The following ORC3 variants were observed in gnomAD, a reference collection of about 807,000 sequenced individuals.
The protein encoded by ORC3 is origin recognition complex subunit 3.
Under a neutral mutation model 100.7 loss-of-function variants are expected in ORC3, and 78 were observed. The observed-to-expected ratio is 0.77, with a 90% CI of 0.65 to 0.94. The LOEUF (loss-of-function observed/expected upper bound fraction) is 0.94. Ranked by LOEUF, ORC3 falls within the 40% of genes least tolerant of loss-of-function variation. The pLI is 0.00. For missense variants in ORC3, 789 were observed against 823.9 expected (o/e 0.96, Z 0.52); for synonymous variants, 295 against 289.3 (o/e 1.02, Z -0.20).
rs1454720076 is a variant in ORC3 at position 87,605,828 on chromosome 6, T to TA, written c.323-88dup. The TA allele has an allele frequency of 6.1e-5, 42 of 691,784 alleles. No individual in the cohort carries two copies. The East Asian group carries it at 1.1e-3, about 18-fold the overall frequency. The allele number at this position is 691,784 out of a possible 1,614,324, so 42.9% of individuals were successfully genotyped here. ...TTATTAATCATTTTTTAAATGTTTT[T>TA]ACTTGTTTGCTTGATATGTTAAATA... On this transcript the variant is annotated intron_variant, in intron 4 of 19. Transcript: ENST00000392844.
intron 11 of ORC3, among the ~76,000 whole-genome samples, chr6:87,634,460 TCTG>T (rs910581150): frequency 6.6e-6 from 1 of 152,230 alleles, no homozygotes; most frequent in Admixed American, 6.5e-5. Context: ...ATCTCACTCT[TCTG>T]ATGCTAGCAA....
intron 8 of ORC3, among the ~76,000 whole-genome samples, chr6:87,613,118 G>A (rs1414908886): frequency 6.6e-6 from 1 of 152,182 alleles, no homozygotes; most frequent in Non-Finnish European, 1.5e-5. Flanking sequence ...AGACACACCT[G>A]AGACTGGGCA....
chr6:87,657,646 G>A lies in ORC3; in HGVS notation c.1594-275G>A, dbSNP rs566283664. 3.3e-5 allele frequency among the ~76,000 whole-genome samples: 5 copies of A among 152,236 alleles called. No individual in the cohort carries two copies. The South Asian group carries it at 1.0e-3, about 32-fold the overall frequency. ...AATGACTTAATGGACTGAATAGTGAGCACTCTGCCATGTAATTTAGTAGTA... is the reference window on the plus strand; with the variant it reads ...AATGACTTAATGGACTGAATAGTGAACACTCTGCCATGTAATTTAGTAGTA... On this transcript the variant is annotated intron_variant, in intron 15 of 19. Coordinates refer to ENST00000392844, the MANE Select transcript of ORC3 (RefSeq NM_012381.4).
chr6:87,630,046 G>A (rs2128274049), intron 11 of ORC3, among the ~76,000 whole-genome samples: 1 of 152,174 alleles, frequency 6.6e-6, no homozygotes, highest in South Asian at 2.1e-4. Context: ...TTTACATATT[G>A]AGAAATTTTA....
rs558111535 is a variant in ORC3 at position 87,640,869 on chromosome 6, G to T, written c.1382+4383G>T. Among the ~76,000 whole-genome samples, 264 of 152,284 alleles carry T rather than the reference G, an allele frequency of 1.7e-3. 1 individual carries two copies. Among genetic ancestry groups the T allele is most frequent in the Non-Finnish European group, 2.8e-3 (188 of 68,022 alleles). Reference sequence around the variant, plus strand: ...AATCCCAACGCTTTGGGAGGCCAAGGTGGGGGCAGATCACAAGATCAGGAG... The same window carrying T: ...AATCCCAACGCTTTGGGAGGCCAAGTTGGGGGCAGATCACAAGATCAGGAG... On this transcript the variant is annotated intron_variant, in intron 13 of 19. Transcript: ENST00000392844.
intron 11 of ORC3, among the ~76,000 whole-genome samples, chr6:87,631,882 G>A (rs757732016): frequency 5.3e-5 from 8 of 152,122 alleles, no homozygotes; most frequent in East Asian, 1.9e-4. Flanking sequence ...TTTTAAGGCC[G>A]GGTGCAGTAT....
At chr6:87,675,315 T>G in the ORC3 span, 2,363 of 484,168 alleles carry the variant, frequency 4.9e-3, 6 homozygotes, top group Non-Finnish European at 6.9e-3. Context: ...ATACCAGCTT[T>G]AATCCTTTTC....
chr6:87,591,539 T>C (rs1298313522), intron 1 of ORC3, among the ~76,000 whole-genome samples: 1 of 152,210 alleles, frequency 6.6e-6, no homozygotes, highest in East Asian at 1.9e-4. Flanking sequence ...CTGTAGGTTT[T>C]GAATGGTCTA....
In ORC3 at chr6:87,667,248, T is replaced by C; in HGVS notation, c.*125T>C. On this transcript the variant is annotated 3_prime_UTR_variant, in exon 20 of 20. Transcript: ENST00000392844. ...ATAAATGTGTAACCCCCATTGATGT[T>C]TAACCAGAAAAGTACATTGCTAACC... 3 of 587,202 alleles carry C rather than the reference T, an allele frequency of 5.1e-6. No individual in the cohort carries two copies. The highest frequency in any genetic ancestry group is 8.8e-6 in the Non-Finnish European group (3 of 339,552). The allele number at this position is 587,202 out of a possible 1,614,324, so 36.4% of individuals were successfully genotyped here. A position where few individuals can be genotyped will look rare whatever the true frequency, so the allele number is the denominator to read the frequency against.
intron 7 of ORC3, 108 bp from the exon 8 acceptor site, chr6:87,611,981 G>C: frequency 2.0e-6 from 2 of 988,960 alleles, no homozygotes; most frequent in South Asian, 3.3e-5. Context: ...CCTTAACAGT[G>C]TCTTATAAAG....
At chr6:87,670,949 G>T (rs1196030413), downstream of ORC3, among the ~76,000 whole-genome samples, 2 of 152,210 alleles carry the variant, frequency 1.3e-5, no homozygotes, top group Non-Finnish European at 2.9e-5. Context: ...TTTTGTGGGA[G>T]AAGAGCATGC....
intron 13 of ORC3, 99 bp from the exon 14 acceptor site, chr6:87,653,017 C>T (rs1769395840): frequency 5.3e-6 from 5 of 939,358 alleles, no homozygotes; most frequent in Admixed American, 2.6e-5. Flanking sequence ...TTTCTTTTAT[C>T]TTCTGAGCGG....
At chr6:87,676,596 A>AACACACGCACGCGCGC in the ORC3 span, among the ~76,000 whole-genome samples, 37 of 142,044 alleles carry the variant, frequency 2.6e-4, no homozygotes, top group African/African-American at 1.0e-3. Flanking sequence ...CTCTACTAAA[A>AACACACGCACGCGCGC]ACACACACAC....
intron 16 of ORC3, among the ~76,000 whole-genome samples, chr6:87,659,710 C>G (rs769264778): frequency 6.6e-6 from 1 of 151,778 alleles, no homozygotes; most frequent in Non-Finnish European, 1.5e-5. Context: ...GGTGAAACCC[C>G]GACTCTACTA....
At chr6:87,674,302 CAAA>C in the ORC3 span, among the ~76,000 whole-genome samples, 4 of 87,160 alleles carry the variant, frequency 4.6e-5, no homozygotes, top group Non-Finnish European at 4.4e-5. Flanking sequence ...AACTCTATCT[CAAA>C]AAAAAAAAAA....
chr6:87,612,890 G>C (rs919709852), intron 8 of ORC3, among the ~76,000 whole-genome samples: 2 of 152,220 alleles, frequency 1.3e-5, no homozygotes, highest in Non-Finnish European at 2.9e-5. Flanking sequence ...TTACAGGCAT[G>C]AGCCGCCACA....
chr6:87,657,051 TA>T, intron 15 of ORC3, 69 bp downstream of exon 15: 1 of 1,044,974 alleles, frequency 9.6e-7, no homozygotes, highest in Non-Finnish European at 1.5e-6. Flanking sequence ...TGCTCTAGAT[TA>T]ACTCTGCCTG....
intron 11 of ORC3, 110 bp from the exon 12 acceptor site, chr6:87,634,735 T>C: frequency 1.8e-6 from 1 of 555,480 alleles, no homozygotes; most frequent in Non-Finnish European, 3.1e-6. Flanking sequence ...AATTTGTAGT[T>C]TTGAATCTTG....
At chr6:87,669,029 C>T (rs1457159788), downstream of ORC3, among the ~76,000 whole-genome samples, 1 of 152,122 alleles carries the variant, frequency 6.6e-6, no homozygotes, top group Non-Finnish European at 1.5e-5. Context: ...TGGTGGCACA[C>T]GCCTGTAATC....
Sources: allele counts gnomAD v4.1 joint callset (sites outside exome capture counted in the v4.1 genomes callset), GRCh38; gene constraint gnomAD v4.1.1; transcripts MANE v1.5; gene names NCBI Gene and HGNC (gene_info 2026-07-23, HGNC 2026-07-21).